Variants in SCFD1 observed in about 807,000 individuals in gnomAD.
SCFD1 encodes sec1 family domain containing 1.
A neutral mutation model predicts 103.2 loss-of-function variants in SCFD1; 37 were observed. The observed-to-expected ratio is 0.36, with a 90% CI of 0.28 to 0.47. The LOEUF (loss-of-function observed/expected upper bound fraction) is 0.47. SCFD1 is among the 20% of genes least tolerant of loss of function. The pLI, the probability that SCFD1 is intolerant of heterozygous loss-of-function variation, is 1.00. For synonymous variants in SCFD1, 264 were observed against 245.0 expected, an observed-to-expected ratio of 1.08 and a Z score of -0.73; for missense variants, 639 against 761.2, an observed-to-expected ratio of 0.84 and a Z score of 1.89.
At chr14:30,677,419 CT>C (rs1238768749) in intron 14 of SCFD1, among the ~76,000 whole-genome samples, 2 of 152,138 alleles carry the variant, frequency 1.3e-5, no homozygotes, top group African/African-American at 4.8e-5. Context: ...AGGACATTCA[CT>C]TTACAGAGGG....
At chr14:30,637,961 A>G (rs1884895757) in intron 4 of SCFD1, among the ~76,000 whole-genome samples, 164 bp from the exon 5 acceptor site, 1 of 152,188 alleles carries the variant, frequency 6.6e-6, no homozygotes, top group Non-Finnish European at 1.5e-5. Flanking sequence ...TCTGATAACC[A>G]GATAACCAGT....
At chr14:30,707,708 G>A in intron 18 of SCFD1, 2 of 400,212 alleles carry the variant, frequency 5.0e-6, no homozygotes, top group Non-Finnish European at 9.4e-6. Flanking sequence ...CTAAGACTAG[G>A]AAATTAAGAT....
chr14:30,657,354 A>G (rs768681572), intron 10 of SCFD1, among the ~76,000 whole-genome samples: 9 of 152,332 alleles, frequency 5.9e-5, no homozygotes, highest in Admixed American at 1.3e-4. Flanking sequence ...CCTAAAACCA[A>G]ACAAGGATAA....
chr14:30,664,212 C>A (rs137981539), intron 10 of SCFD1, among the ~76,000 whole-genome samples: 1 of 152,094 alleles, frequency 6.6e-6, no homozygotes, highest in Non-Finnish European at 1.5e-5. Flanking sequence ...TGTTGTTCTG[C>A]AACATTTGCT....
At chr14:30,696,730 G>C (rs1890727653) in intron 15 of SCFD1, among the ~76,000 whole-genome samples, 1 of 152,182 alleles carries the variant, frequency 6.6e-6, no homozygotes, top group African/African-American at 2.4e-5. Flanking sequence ...GAACAAACCA[G>C]CTTGGGCCTA....
At chr14:30,643,883 T>TG in intron 7 of SCFD1, 2 of 451,030 alleles carry the variant, frequency 4.4e-6, no homozygotes, top group Middle Eastern at 3.3e-4. Flanking sequence ...ATTTTAGGTT[T>TG]GGGGGATACA....
intron 23 of SCFD1, among the ~76,000 whole-genome samples, chr14:30,733,347 G>T (rs764839702): frequency 6.6e-6 from 1 of 152,160 alleles, no homozygotes; most frequent in Non-Finnish European, 1.5e-5. Context: ...AAGTAAAGGG[G>T]TCATCAAGCT....
chr14:30,643,504 G>A, intron 7 of SCFD1, 99 bp downstream of exon 7: 3 of 836,196 alleles, frequency 3.6e-6, no homozygotes, highest in South Asian at 1.4e-5. Context: ...CACTTACCTG[G>A]ATCTCTAGAG....
chr14:30,683,460 C>A (rs1889660072), intron 14 of SCFD1: 7 of 463,014 alleles, frequency 1.5e-5, no homozygotes, highest in Non-Finnish European at 2.9e-5. Flanking sequence ...GGCAGAAATG[C>A]CCTTGCTGCC....
chr14:30,673,065 A>G (rs1566619789), intron 11 of SCFD1, among the ~76,000 whole-genome samples, 192 bp from the exon 12 acceptor site: 1 of 152,162 alleles, frequency 6.6e-6, no homozygotes, highest in African/African-American at 2.4e-5. Flanking sequence ...AAGAAATAGT[A>G]TTATATAGAT....
chr14:30,700,643 T>C (rs1380307064), intron 16 of SCFD1, among the ~76,000 whole-genome samples: 3 of 151,988 alleles, frequency 2.0e-5, no homozygotes, highest in African/African-American at 7.3e-5. Flanking sequence ...CACTGCACTC[T>C]AGCCTGGGTG....
intron 18 of SCFD1, chr14:30,707,695 TA>T (rs1891568457): frequency 1.1e-5 from 4 of 356,118 alleles, no homozygotes; most frequent in African/African-American, 8.5e-5. Flanking sequence ...AAAAAAAATA[TA>T]GCTAAGACTA....
At chr14:30,671,493 G>C (rs1329770368) in intron 11 of SCFD1, among the ~76,000 whole-genome samples, 1 of 151,968 alleles carries the variant, frequency 6.6e-6, no homozygotes, top group African/African-American at 2.4e-5. Context: ...ATAGAGAAAA[G>C]CTTAAGAAAA....
chr14:30,624,169 CCTGGTTCA>C (rs1566566490), intron 1 of SCFD1, among the ~76,000 whole-genome samples: 1 of 152,190 alleles, frequency 6.6e-6, no homozygotes, highest in African/African-American at 2.4e-5. Flanking sequence ...CTCCTTTCTT[CCTGGTTCA>C]CTGTCCCCTC....
At chr14:30,664,501 G>C (rs771559293) in intron 10 of SCFD1, among the ~76,000 whole-genome samples, 3 of 152,160 alleles carry the variant, frequency 2.0e-5, no homozygotes, top group Non-Finnish European at 4.4e-5. Context: ...TTCTCCAAAG[G>C]ATTGCAGCTC....
At chr14:30,717,897 A>G (rs1357051299) in intron 20 of SCFD1, among the ~76,000 whole-genome samples, 1 of 152,094 alleles carries the variant, frequency 6.6e-6, no homozygotes, top group Admixed American at 6.5e-5. Context: ...AAAAAGAAAA[A>G]AAAAAAAAAA....
At chr14:30,674,050 T>G in intron 13 of SCFD1, 53 bp downstream of exon 13, 1 of 1,297,732 alleles carries the variant, frequency 7.7e-7, no homozygotes, top group South Asian at 1.3e-5. Context: ...GGATTTTTTT[T>G]TTATTTAACT....
chr14:30,710,798 T>G (rs188945903), intron 19 of SCFD1, among the ~76,000 whole-genome samples: 1 of 152,266 alleles, frequency 6.6e-6, no homozygotes, highest in Admixed American at 6.5e-5. Context: ...GTAAGAGGTA[T>G]CAAAGAAGAC....
intron 7 of SCFD1, among the ~76,000 whole-genome samples, chr14:30,649,103 C>G (rs1384778236): frequency 6.6e-6 from 1 of 152,052 alleles, no homozygotes; most frequent in South Asian, 2.1e-4. Flanking sequence ...TCTTCTGACT[C>G]CCTGTTGTTT....
Sources: gnomAD v4.1 joint callset for allele counts (sites outside exome capture counted in the v4.1 genomes callset) on GRCh38, gnomAD v4.1.1 for gene constraint, MANE v1.5 for transcripts, NCBI Gene and HGNC (gene_info 2026-07-23, HGNC 2026-07-21) for gene names.